The following MYO10 variants were observed in gnomAD, a reference collection of about 807,000 sequenced individuals.
The protein encoded by MYO10 is unconventional myosin-X.
A neutral mutation model predicts 257.3 loss-of-function variants in MYO10; 133 were observed. The ratio of observed to expected loss-of-function variants is 0.52; its 90% CI spans 0.45 to 0.60. The LOEUF is 0.60. MYO10 is among the 20% of genes least tolerant of loss of function. The probability of loss-of-function intolerance (pLI) is 0.00; values close to 1 mark genes in which losing one functional copy is unlikely to be tolerated. For synonymous variants in MYO10, 1,104 were observed against 1,028.6 expected, an observed-to-expected ratio of 1.07 and a Z score of -1.40; for missense variants, 2,399 against 2,635.7, an observed-to-expected ratio of 0.91 and a Z score of 1.97.
chr5:16,814,918 G>A (rs1368037150), intron 3 of MYO10: 2 of 152,132 alleles, frequency 1.3e-5, no homozygotes, highest in African/African-American at 4.8e-5. Flanking sequence ...TTATTATCAT[G>A]AAAAGAGGAA....
chr5:16,905,769 T>C (rs2126788214), intron 1 of MYO10, among the ~76,000 whole-genome samples: 1 of 152,226 alleles, frequency 6.6e-6, no homozygotes. Flanking sequence ...AAGTAAGAAA[T>C]TTAACTCCTG....
intron 2 of MYO10, among the ~76,000 whole-genome samples, chr5:16,824,638 G>C (rs1023726351): frequency 1.3e-5 from 2 of 152,178 alleles, no homozygotes; most frequent in African/African-American, 4.8e-5. Flanking sequence ...GGAGGTCAAG[G>C]CAGGCGAATC....
At chr5:16,771,447 C>G (rs1209143880) in intron 9 of MYO10, among the ~76,000 whole-genome samples, 2 of 151,482 alleles carry the variant, frequency 1.3e-5, no homozygotes, top group African/African-American at 2.4e-5. Flanking sequence ...GAAAAACCAA[C>G]AACAAAGGTT....
chr5:16,766,484 G>T (rs1185882828), intron 10 of MYO10, among the ~76,000 whole-genome samples: 1 of 152,192 alleles, frequency 6.6e-6, no homozygotes, highest in Non-Finnish European at 1.5e-5. Context: ...GCCCAGGCTG[G>T]AGTGCAATGA....
intron 19 of MYO10, among the ~76,000 whole-genome samples, chr5:16,728,654 G>C (rs1296103835): frequency 6.6e-6 from 1 of 152,172 alleles, no homozygotes; most frequent in Non-Finnish European, 1.5e-5. Context: ...GAGCCAGTGG[G>C]CAAGACAAGA....
intron 19 of MYO10, among the ~76,000 whole-genome samples, chr5:16,747,836 T>C (rs1476597286): frequency 6.9e-6 from 1 of 145,706 alleles, no homozygotes; most frequent in Non-Finnish European, 1.5e-5. Flanking sequence ...GGAGAATCAC[T>C]TGAACCCTGG....
In MYO10 at chr5:16,701,579, T is replaced by G. The variant is rs758075402; in HGVS notation, c.2816A>C (p.Gln939Pro). ...GAAATTGAGGGACTCGAGGAACTCC[T>G]GGGCCGCCCTGCACGCTTCCTCCTC... ...RLEEEACRAAQEFLESLNFDE... is the reference protein window; with the variant it reads ...RLEEEACRAAPEFLESLNFDE... The change falls in exon 25 of 41, where the codon CAG becomes CCG. Residue 939 changes from glutamine to proline, a missense_variant. Gln to Pro is a moderately conservative substitution (Grantham distance 76). This residue lies in a region of MYO10 where 1,820 missense variants were observed against 1,939.4 expected (regional missense o/e 0.94). Transcript: ENST00000513610. The surrounding 1 kb of genome is among the most constrained non-coding windows in gnomAD (Gnocchi z 8.1). The G allele has an allele frequency of 1.9e-6, 3 of 1,613,826 alleles. No homozygotes were observed. In the Admixed American group the frequency reaches 5.0e-5, roughly 27 times the overall value.
intron 19 of MYO10, among the ~76,000 whole-genome samples, chr5:16,729,965 T>C (rs1485348907): frequency 6.6e-6 from 1 of 152,088 alleles, no homozygotes; most frequent in African/African-American, 2.4e-5. Flanking sequence ...TCCTTCCTAA[T>C]TAAAGGAAGA....
At chr5:16,719,692 G>A (rs957995355) in intron 19 of MYO10, among the ~76,000 whole-genome samples, 18 of 152,132 alleles carry the variant, frequency 1.2e-4, no homozygotes, top group African/African-American at 3.6e-4. Flanking sequence ...GGCCAGGCAC[G>A]GTGGCTCACG....
intron 2 of MYO10, chr5:16,854,029 C>G (rs146664885): frequency 6.6e-6 from 1 of 152,160 alleles, no homozygotes; most frequent in Non-Finnish European, 1.5e-5. Flanking sequence ...TTCGTGATCT[C>G]GTCTGATCTC....
intron 19 of MYO10, among the ~76,000 whole-genome samples, chr5:16,719,673 A>G (rs568747521): frequency 6.6e-6 from 1 of 152,316 alleles, no homozygotes; most frequent in African/African-American, 2.4e-5. Context: ...AACTAAAAAT[A>G]TTTATTTGGG....
chr5:16,681,203 TGG>T, intron 32 of MYO10, 104 bp downstream of exon 32: 1 of 1,233,842 alleles, frequency 8.1e-7, no homozygotes, highest in Non-Finnish European at 1.1e-6. Flanking sequence ...ACAACTTCTT[TGG>T]GGGGAAATAA....
intron 3 of MYO10, among the ~76,000 whole-genome samples, chr5:16,815,918 A>T (rs982890272): frequency 3.5e-5 from 1 of 28,504 alleles, no homozygotes; most frequent in African/African-American, 5.2e-5. Context: ...TAATCTAAAG[A>T]CAGGACAAGC....
intron 2 of MYO10, among the ~76,000 whole-genome samples, chr5:16,837,834 G>A (rs1280396411): frequency 6.6e-6 from 1 of 152,130 alleles, no homozygotes; most frequent in African/African-American, 2.4e-5. Flanking sequence ...CCCTGTGCAA[G>A]TCTACTGCTG....
At chr5:16,737,721 G>T (rs1307099588) in intron 19 of MYO10, among the ~76,000 whole-genome samples, 8 of 152,208 alleles carry the variant, frequency 5.3e-5, no homozygotes, top group Admixed American at 5.2e-4. Flanking sequence ...GGGCACCCGG[G>T]AAAGTCTGGA....
intron 37 of MYO10, 105 bp from the exon 38 acceptor site, chr5:16,671,647 T>C: frequency 7.2e-7 from 1 of 1,396,582 alleles, no homozygotes; most frequent in Middle Eastern, 2.2e-4. Flanking sequence ...ACAGACATTC[T>C]GTCCGGGCCC....
rs1037761502 is a variant in MYO10 at position 16,899,001 on chromosome 5, G to A, written c.22-21294C>T. 8.7e-5 allele frequency among the ~76,000 whole-genome samples: 13 copies of A among 148,946 alleles called. 1 individual carries two copies. The highest frequency in any genetic ancestry group is 3.0e-4 in the African/African-American group (12 of 40,664). On this transcript the variant is annotated intron_variant, in intron 1 of 40. Coordinates refer to ENST00000513610, the MANE Select transcript of MYO10 (RefSeq NM_012334.3). ...AATACAAAAATTAGCTGGGCATGGC[G>A]GTGGGTGCCTGTAATCCCAGCTACT...
chr5:16,841,906 C>A (rs1743492952), intron 2 of MYO10, among the ~76,000 whole-genome samples: 1 of 151,404 alleles, frequency 6.6e-6, no homozygotes, highest in Admixed American at 6.6e-5. Context: ...ATGTTTCAAA[C>A]ACCCAGGCAA....
At chr5:16,827,960 G>A (rs1307029889) in intron 2 of MYO10, among the ~76,000 whole-genome samples, 1 of 152,114 alleles carries the variant, frequency 6.6e-6, no homozygotes, top group Non-Finnish European at 1.5e-5. Context: ...CAATTTCTTG[G>A]TATCATGGGG....
Sources: allele counts gnomAD v4.1 joint callset (sites outside exome capture counted in the v4.1 genomes callset), GRCh38; gene constraint gnomAD v4.1.1; regional missense constraint gnomAD v4.1.1; non-coding constraint Gnocchi (gnomAD v3.1); transcripts MANE v1.5; gene names NCBI Gene and HGNC (gene_info 2026-07-23, HGNC 2026-07-21).